The following TLN2 variants were observed in gnomAD, a reference collection of about 807,000 sequenced individuals.
TLN2 encodes the protein talin-2.
A neutral mutation model predicts 294.7 loss-of-function variants in TLN2; 118 were observed. That is an observed-to-expected ratio of 0.40 (90% CI 0.34 to 0.47). The LOEUF is 0.47. Ranked by LOEUF, TLN2 falls within the 20% of genes least tolerant of loss-of-function variation. The pLI is 0.84. For missense variants in TLN2, 3,083 were observed against 3,282.2 expected (o/e 0.94, Z 1.48); for synonymous variants, 1,431 against 1,304.5 (o/e 1.10, Z -2.09).
rs543746712 is a variant in TLN2 at position 62,578,041 on chromosome 15, G to T, written c.-237-11646G>T. On this transcript the variant is annotated intron_variant, in intron 1 of 58. Coordinates refer to ENST00000636159, the MANE Select transcript of TLN2 (RefSeq NM_015059.3). The stretch of plus-strand genomic sequence containing the variant: ...CATGAACTCATCCTTTTTTATGGCT[G>T]CATAGTATTCCATGGTGTATATGTG... 4.6e-5 allele frequency among the ~76,000 whole-genome samples: 7 copies of T among 152,260 alleles called. No individual in the cohort carries two copies. In the East Asian group the frequency reaches 1.2e-3, roughly 25 times the overall value.
Position 62,719,885 on chromosome 15 carries a change from C to T in TLN2, c.2991+5C>T, listed in dbSNP as rs376342750. On this transcript the variant is annotated splice_donor_5th_base_variant and intron_variant, in intron 25 of 58. Coordinates refer to ENST00000636159, the MANE Select transcript of TLN2 (RefSeq NM_015059.3). ...TCCAGCCAGAACTTCCTCCAGGTAACAGGGCTGTGGTCACCTTGGGCTCAC... is the reference window on the plus strand; with the variant it reads ...TCCAGCCAGAACTTCCTCCAGGTAATAGGGCTGTGGTCACCTTGGGCTCAC... The T allele has an allele frequency of 4.8e-5, 77 of 1,603,436 alleles. No homozygotes were observed. Among genetic ancestry groups the T allele is most frequent in the East Asian group, 9.0e-5 (4 of 44,650 alleles).
chr15:62,635,746 T>TTAGGTAAAG (rs2050313954), intron 3 of TLN2, among the ~76,000 whole-genome samples: 1 of 152,166 alleles, frequency 6.6e-6, no homozygotes, highest in Admixed American at 6.5e-5. Context: ...TCCAGAATCA[T>TTAGGTAAAG]TAGGTAAAGT....
chr15:62,470,460 A>G (rs902423991), intron 1 of TLN2, among the ~76,000 whole-genome samples: 6 of 152,232 alleles, frequency 3.9e-5, no homozygotes, highest in Non-Finnish European at 4.4e-5. Context: ...ACAGCTCTGC[A>G]TCTCTGGGGT....
chr15:62,482,883 C>T (rs2038184896), intron 1 of TLN2, among the ~76,000 whole-genome samples: 1 of 152,134 alleles, frequency 6.6e-6, no homozygotes, highest in Non-Finnish European at 1.5e-5. Flanking sequence ...CCAGCCCTCC[C>T]TGAGGGCTTC....
chr15:62,827,258 C>G (rs939055100), intron 54 of TLN2, among the ~76,000 whole-genome samples: 1 of 152,066 alleles, frequency 6.6e-6, no homozygotes, highest in Non-Finnish European at 1.5e-5. Context: ...CTGACAAGGA[C>G]AGTGAGCAGG....
At chr15:62,682,432 T>C (rs1375823008) in intron 11 of TLN2, among the ~76,000 whole-genome samples, 3 of 152,176 alleles carry the variant, frequency 2.0e-5, no homozygotes, top group Non-Finnish European at 4.4e-5. Context: ...AATGAATTCA[T>C]ATGGAATAGC....
intron 17 of TLN2, 48 bp from the exon 18 acceptor site, chr15:62,701,944 C>T: frequency 6.2e-7 from 1 of 1,601,100 alleles, no homozygotes; most frequent in Non-Finnish European, 8.5e-7. Context: ...AAATTCTCAC[C>T]AGAACCATGT....
intron 3 of TLN2, among the ~76,000 whole-genome samples, chr15:62,619,138 C>G (rs1224599878): frequency 1.3e-5 from 2 of 150,896 alleles, no homozygotes; most frequent in African/African-American, 4.9e-5. Flanking sequence ...TTTGTTTTTT[C>G]TCAAAACAGT....
intron 37 of TLN2, among the ~76,000 whole-genome samples, chr15:62,761,232 A>C (rs1024596362): frequency 2.0e-5 from 3 of 152,260 alleles, no homozygotes; most frequent in Non-Finnish European, 4.4e-5. Context: ...AAAAGTTAAA[A>C]GTACTGCTTT....
chr15:62,607,984 C>T (rs755133006), intron 2 of TLN2, among the ~76,000 whole-genome samples: 11 of 152,218 alleles, frequency 7.2e-5, no homozygotes, highest in Non-Finnish European at 1.5e-4. Context: ...TATGCAGACT[C>T]TCTCTGACAT....
chr15:62,499,863 A>G (rs2039214812), intron 1 of TLN2, among the ~76,000 whole-genome samples: 1 of 152,024 alleles, frequency 6.6e-6, no homozygotes, highest in Admixed American at 6.6e-5. Context: ...TGGACTTCCC[A>G]AAGTGGTGGG....
intron 1 of TLN2, among the ~76,000 whole-genome samples, chr15:62,445,197 C>G (rs1289308763): frequency 1.3e-5 from 2 of 152,092 alleles, no homozygotes; most frequent in African/African-American, 4.8e-5. Flanking sequence ...CCAGCTGACT[C>G]CAGGCCTTCA....
At chr15:62,826,538 T>TTTTG (rs2068216104) in intron 54 of TLN2, among the ~76,000 whole-genome samples, 1 of 152,198 alleles carries the variant, frequency 6.6e-6, no homozygotes, top group South Asian at 2.1e-4. Context: ...GAGGTGTACC[T>TTTTG]TTTGTTTGAA....
intron 54 of TLN2, among the ~76,000 whole-genome samples, chr15:62,823,737 A>G (rs911296015): frequency 1.3e-5 from 2 of 152,198 alleles, no homozygotes; most frequent in African/African-American, 4.8e-5. Flanking sequence ...TCTCCCAGAC[A>G]TGCACCGTTG....
intron 14 of TLN2, among the ~76,000 whole-genome samples, chr15:62,695,340 C>A (rs915566261): frequency 3.9e-5 from 6 of 152,192 alleles, no homozygotes; most frequent in African/African-American, 1.4e-4. Flanking sequence ...AGTGGAAGGT[C>A]TAGCGATGGG....
intron 1 of TLN2, among the ~76,000 whole-genome samples, chr15:62,404,352 T>G (rs377474540): frequency 4.5e-4 from 68 of 152,274 alleles, no homozygotes; most frequent in African/African-American, 1.6e-3. Flanking sequence ...AGATGATAAA[T>G]GGACTTGTCT....
chr15:62,787,187 GC>G (rs1431472354), intron 45 of TLN2, among the ~76,000 whole-genome samples: 2 of 152,120 alleles, frequency 1.3e-5, no homozygotes, highest in African/African-American at 4.8e-5. Flanking sequence ...GAGCCACCAT[GC>G]CCAGCCACTT....
intron 27 of TLN2, among the ~76,000 whole-genome samples, chr15:62,726,453 C>T (rs2060446480): frequency 6.6e-6 from 1 of 152,100 alleles, no homozygotes; most frequent in African/African-American, 2.4e-5. Context: ...GACTTCGTTC[C>T]CTGAATTTTT....
chr15:62,429,311 A>G (rs969318226), intron 1 of TLN2, among the ~76,000 whole-genome samples: 6 of 152,052 alleles, frequency 3.9e-5, no homozygotes, highest in Non-Finnish European at 8.8e-5. Context: ...AGGAGGATGA[A>G]CTGATTCATC....
Sources: allele counts gnomAD v4.1 joint callset (sites outside exome capture counted in the v4.1 genomes callset), GRCh38; gene constraint gnomAD v4.1.1; transcripts MANE v1.5; gene names NCBI Gene and HGNC (gene_info 2026-07-23, HGNC 2026-07-21).